The following CCDC33 variants were observed in gnomAD, a reference collection of about 807,000 sequenced individuals.
The protein encoded by CCDC33 is coiled-coil domain containing 33.
CCDC33 carries 94 observed loss-of-function variants against 91.9 expected under a neutral mutation model. That is an observed-to-expected ratio of 1.02 (90% CI 0.87 to 1.21). The LOEUF (loss-of-function observed/expected upper bound fraction) is 1.21. CCDC33 is among the 50% of genes most tolerant of loss of function. The pLI, the probability that CCDC33 is intolerant of heterozygous loss-of-function variation, is 0.00. For synonymous variants in CCDC33, 396 were observed against 374.5 expected (o/e 1.06, Z -0.66); for missense variants, 940 against 935.5 (o/e 1.00, Z -0.06).
intron 11 of CCDC33, among the ~76,000 whole-genome samples, chr15:74,318,372 C>T (rs3809542): frequency 0.047 from 7,133 of 152,146 alleles, 226 homozygotes; most frequent in East Asian, 0.11. Flanking sequence ...CAGCCCTCCC[C>T]GGCCCTGCTG....
intron 1 of CCDC33, among the ~76,000 whole-genome samples, chr15:74,204,354 G>C (rs892285418): frequency 9.9e-5 from 15 of 152,224 alleles, no homozygotes; most frequent in Non-Finnish European, 2.1e-4. Flanking sequence ...GCTTGGCAAA[G>C]CCATTGCTTG....
chr15:74,216,696 A>G (rs1208071893), upstream of CCDC33, among the ~76,000 whole-genome samples: 4 of 144,684 alleles, frequency 2.8e-5, no homozygotes, highest in Non-Finnish European at 6.0e-5. Flanking sequence ...GAGAATAGAC[A>G]CTGTCTCCCT....
At chr15:74,215,582 A>AG (rs2074420353), upstream of CCDC33, among the ~76,000 whole-genome samples, 1 of 152,218 alleles carries the variant, frequency 6.6e-6, no homozygotes, top group Non-Finnish European at 1.5e-5. Context: ...ACACCAAAAA[A>AG]AAGTACCTTC....
chr15:74,292,034 G>A (rs1339566859), intron 10 of CCDC33, among the ~76,000 whole-genome samples: 4 of 152,366 alleles, frequency 2.6e-5, no homozygotes, highest in Middle Eastern at 3.4e-3. Context: ...TCCAATTATA[G>A]TCTTAATGAA....
chr15:74,274,085 C>T (rs1387258872), intron 7 of CCDC33, among the ~76,000 whole-genome samples: 1 of 152,204 alleles, frequency 6.6e-6, no homozygotes, highest in Non-Finnish European at 1.5e-5. Flanking sequence ...CCACCTCGGC[C>T]TCCCAAAGTG....
Position 74,207,796 on chromosome 15 carries a change from ACACT to A in CCDC33, n.90-1588_90-1585del, listed in dbSNP as rs546523431. ...TGGGGTGTGCCCTCAGTGGCACAGC[ACACT>A]CACACACACATCCAACTGCCCTTCG... On this transcript the variant is annotated intron_variant and non_coding_transcript_variant, in intron 1 of 3. Coordinates refer to the CCDC33 transcript ENST00000558645. 373 of 1,535,626 alleles carry A rather than the reference ACACT, an allele frequency of 2.4e-4. 1 individual carries two copies. Among genetic ancestry groups the A allele is most frequent in the East Asian group, 1.6e-3 (66 of 40,912 alleles).
At chr15:74,225,671 C>G (rs532200752) in intron 2 of CCDC33, among the ~76,000 whole-genome samples, 259 of 152,266 alleles carry the variant, frequency 1.7e-3, no homozygotes, top group African/African-American at 5.6e-3. Flanking sequence ...ACAACAACCC[C>G]AAGTGCAGCA....
chr15:74,261,630 A>G (rs1234190347), intron 2 of CCDC33, among the ~76,000 whole-genome samples: 2 of 152,146 alleles, frequency 1.3e-5, no homozygotes, highest in Non-Finnish European at 2.9e-5. Context: ...AGCGCTGGGG[A>G]TGGCCCTGGC....
At chr15:74,226,379 A>C (rs1241296047) in intron 2 of CCDC33, among the ~76,000 whole-genome samples, 1 of 152,216 alleles carries the variant, frequency 6.6e-6, no homozygotes, top group Non-Finnish European at 1.5e-5. Flanking sequence ...TACGATGGAC[A>C]GAGTCCTATC....
intron 1 of CCDC33, among the ~76,000 whole-genome samples, chr15:74,240,977 TG>T (rs955879428): frequency 6.0e-5 from 9 of 151,080 alleles, no homozygotes; most frequent in Middle Eastern, 3.4e-3. Context: ...TGCTGGGGAG[TG>T]GGGGGGTCAT....
chr15:74,298,794 C>T, intron 11 of CCDC33, among the ~76,000 whole-genome samples: 1 of 144,592 alleles, frequency 6.9e-6, no homozygotes, highest in Non-Finnish European at 1.5e-5. Flanking sequence ...CTCATTGCAA[C>T]CTCCGCCTCC....
At chr15:74,309,739 G>A (rs1034278184) in intron 11 of CCDC33, among the ~76,000 whole-genome samples, 5 of 152,046 alleles carry the variant, frequency 3.3e-5, no homozygotes, top group Non-Finnish European at 5.9e-5. Flanking sequence ...ACTCCTTCAG[G>A]GAATCTATTT....
At chr15:74,220,002 G>C (rs1242380975) in intron 2 of CCDC33, among the ~76,000 whole-genome samples, 1 of 152,216 alleles carries the variant, frequency 6.6e-6, no homozygotes, top group South Asian at 2.1e-4. Flanking sequence ...GTGGTGGACT[G>C]TCAGGCTGGG....
intron 2 of CCDC33, among the ~76,000 whole-genome samples, chr15:74,255,418 G>A (rs1020507407): frequency 3.3e-5 from 5 of 152,226 alleles, no homozygotes; most frequent in Non-Finnish European, 2.9e-5. Flanking sequence ...AGGCCCTGGG[G>A]TTTTATCCCT....
At chr15:74,222,401 G>A (rs2074625433) in intron 2 of CCDC33, among the ~76,000 whole-genome samples, 2 of 138 alleles carry the variant, frequency 0.014, no homozygotes, top group Admixed American at 0.2. Context: ...GAGAAGGAGG[G>A]GTGCACTGCT....
At chr15:74,281,634 C>T (rs1189024988) in intron 9 of CCDC33, 144 bp from the exon 10 acceptor site, 1 of 693,672 alleles carries the variant, frequency 1.4e-6, no homozygotes, top group South Asian at 1.8e-5. Flanking sequence ...AGGGCAAAAG[C>T]AGGAGGCCAG....
Position 74,280,753 on chromosome 15 carries a change from GAC to G in CCDC33, c.977_978del (p.Thr326ArgfsTer24). On this transcript the variant is annotated frameshift_variant, in exon 9 of 19. Transcript: ENST00000398814. LOFTEE classifies it high-confidence loss of function. ...LKSRLYQKML[T>X]GKGLDGLHVE... is the part of the protein sequence containing the mutation. ...AGAGCCGTTTGTACCAGAAGATGCT[GAC>G]AGGGAAAGGCTTGGACGGGCTTCAC... is the stretch of plus-strand genomic sequence containing the variant. 2 of 1,577,984 alleles carry G rather than the reference GAC, an allele frequency of 1.3e-6. No homozygotes were observed. The highest frequency in any genetic ancestry group is 2.3e-5 in the South Asian group (2 of 86,042).
intron 16 of CCDC33, 41 bp downstream of exon 16, chr15:74,332,886 G>A (rs747926155): frequency 1.9e-6 from 3 of 1,597,618 alleles, no homozygotes; most frequent in Non-Finnish European, 2.6e-6. Context: ...GCCGGTCACT[G>A]GGTGCCCAGA....
chr15:74,247,770 A>C (rs2075583966), intron 2 of CCDC33, among the ~76,000 whole-genome samples: 1 of 152,006 alleles, frequency 6.6e-6, no homozygotes, highest in Admixed American at 6.6e-5. Context: ...GCAGCAGGTG[A>C]CTCTAGTTAA....
Sources: gnomAD v4.1 joint callset for allele counts (sites outside exome capture counted in the v4.1 genomes callset) on GRCh38, gnomAD v4.1.1 for gene constraint, MANE v1.5 for transcripts, NCBI Gene and HGNC (gene_info 2026-07-23, HGNC 2026-07-21) for gene names.